The following AXDND1 variants were observed in gnomAD, a reference collection of about 807,000 sequenced individuals.
AXDND1 encodes axonemal dynein light chain domain containing 1.
In AXDND1, 110 loss-of-function variants were observed where a neutral mutation model predicts 137.5. The observed-to-expected ratio is 0.80, with a 90% CI of 0.69 to 0.94. AXDND1 has a LOEUF of 0.94. AXDND1 is among the 40% of genes least tolerant of loss of function. The pLI, the probability that AXDND1 is intolerant of heterozygous loss-of-function variation, is 0.00. For missense variants in AXDND1, 1,191 were observed against 1,169.8 expected (o/e 1.02, Z -0.26); for synonymous variants, 414 against 399.7 (o/e 1.04, Z -0.43).
chr1:179,407,548 GAAT>G (rs977515503), intron 11 of AXDND1, among the ~76,000 whole-genome samples: 1 of 151,994 alleles, frequency 6.6e-6, no homozygotes, highest in Admixed American at 6.6e-5. Flanking sequence ...TCAGCATTTT[GAAT>G]ATATCATTCA....
At chr1:179,467,825 A>G (rs545053179) in intron 16 of AXDND1, among the ~76,000 whole-genome samples, 1 of 152,332 alleles carries the variant, frequency 6.6e-6, no homozygotes, top group African/African-American at 2.4e-5. Flanking sequence ...CTTTTAAATT[A>G]CTTGTCTTTA....
chr1:179,476,619 G>A (rs1361355603), intron 17 of AXDND1, among the ~76,000 whole-genome samples: 2 of 151,946 alleles, frequency 1.3e-5, no homozygotes, highest in African/African-American at 4.8e-5. Context: ...ATGTTTGTTG[G>A]ATATAGGATT....
chr1:179,366,362 A>ATT, intron 1 of AXDND1, 42 bp from the exon 2 acceptor site: 1 of 536,740 alleles, frequency 1.9e-6, no homozygotes, highest in South Asian at 2.1e-5. Flanking sequence ...AATAGTTGTC[A>ATT]TCTTTTTTTT....
chr1:179,461,996 G>A (rs958547955), intron 16 of AXDND1, among the ~76,000 whole-genome samples: 1 of 152,112 alleles, frequency 6.6e-6, no homozygotes, highest in Non-Finnish European at 1.5e-5. Context: ...TGCAAACAGG[G>A]ACAATTTGAC....
intron 12 of AXDND1, among the ~76,000 whole-genome samples, chr1:179,423,198 C>CT (rs35627674): frequency 0.63 from 94,343 of 149,370 alleles, 30,022 homozygotes; most frequent in Middle Eastern, 0.69. Flanking sequence ...ATATAGTAAC[C>CT]TTTTTTTTTT....
At chr1:179,378,818 A>T (rs1647733047) in intron 5 of AXDND1, 61 bp downstream of exon 5, 7 of 1,298,960 alleles carry the variant, frequency 5.4e-6, no homozygotes, top group Non-Finnish European at 7.1e-6. Flanking sequence ...AAATCATTTT[A>T]AAATGATTTT....
Position 179,456,915 on chromosome 1 carries a change from C to T in AXDND1, c.1799-11528C>T. 3 of 1,183,252 alleles carry T rather than the reference C, an allele frequency of 2.5e-6. No individual in the cohort carries two copies. The African/African-American group carries it at 4.5e-5, about 18-fold the overall frequency. The allele number at this position is 1,183,252 out of a possible 1,614,324, so 73.3% of individuals were successfully genotyped here. A position where few individuals can be genotyped will look rare whatever the true frequency, so the allele number is the denominator to read the frequency against. Reference sequence around the variant, plus strand: ...AAAGGCAAAGCCTCTTTTCTTGCCACTGCCTCAGTCATGATTTCAATCACT... The same window carrying T: ...AAAGGCAAAGCCTCTTTTCTTGCCATTGCCTCAGTCATGATTTCAATCACT... On this transcript the variant is annotated intron_variant, in intron 16 of 25. Transcript: ENST00000367618.
At chr1:179,535,080 C>G in intron 25 of AXDND1, 118 bp downstream of exon 25, 1 of 1,455,398 alleles carries the variant, frequency 6.9e-7, no homozygotes, top group African/African-American at 1.4e-5. Context: ...CTAGTTTATA[C>G]TTCTCATAGG....
At chr1:179,500,692 A>G (rs187556305) in intron 20 of AXDND1, among the ~76,000 whole-genome samples, 28 of 152,174 alleles carry the variant, frequency 1.8e-4, no homozygotes, top group South Asian at 4.1e-4. Context: ...TTATTTTTTG[A>G]GACAGAATCT....
In AXDND1 at chr1:179,366,495, G is replaced by A; in HGVS notation, c.-15G>A. 1 of 1,585,440 alleles carries A rather than the reference G, an allele frequency of 6.3e-7. No homozygotes were observed. Among genetic ancestry groups the A allele is most frequent in the Non-Finnish European group, 8.7e-7 (1 of 1,154,330 alleles). On this transcript the variant is annotated 5_prime_UTR_variant, in exon 2 of 26. Transcript: ENST00000367618. ...CTATTTCAAATTACTAAAGAGATAG[G>A]AGGCATTGTTTATTATGTCTCTCCC...
intron 9 of AXDND1, among the ~76,000 whole-genome samples, chr1:179,388,976 C>CTTTTTT (rs11373996): frequency 6.2e-5 from 7 of 112,530 alleles, no homozygotes; most frequent in Admixed American, 2.2e-4. Context: ...TTTTTAGATT[C>CTTTTTT]TTTTTTTTTT....
chr1:179,498,845 A>G (rs1006167278), intron 20 of AXDND1, among the ~76,000 whole-genome samples: 4 of 152,190 alleles, frequency 2.6e-5, no homozygotes, highest in Non-Finnish European at 5.9e-5. Flanking sequence ...ATCACTAATC[A>G]TCAAGTAAAT....
At chr1:179,519,396 T>A (rs1424772729) in intron 21 of AXDND1, among the ~76,000 whole-genome samples, 1 of 152,200 alleles carries the variant, frequency 6.6e-6, no homozygotes, top group East Asian at 1.9e-4. Flanking sequence ...TAATTAGATA[T>A]GCCATTTGTC....
Position 179,525,391 on chromosome 1 carries a change from G to C in AXDND1, c.2554G>C (p.Glu852Gln). The C allele has an allele frequency of 6.2e-7, 1 of 1,612,332 alleles. No individual in the cohort carries two copies. Among genetic ancestry groups the C allele is most frequent in the Non-Finnish European group, 8.5e-7 (1 of 1,178,962 alleles). The change falls in exon 22 of 26, where the codon GAA becomes CAA. Residue 852 changes from glutamate (E) to glutamine (Q), a missense_variant. By Grantham distance (29) the Glu-to-Gln change is conservative. Transcript: ENST00000367618. ...EIDESFKEDE[E>Q]ESKEDRKLQE... ...AGACGAGTCTTTTAAAGAAGATGAA[G>C]AAGAAAGTAAGGAGGATAGGAAACT...
intron 21 of AXDND1, among the ~76,000 whole-genome samples, chr1:179,515,259 G>C (rs1398300053): frequency 3.3e-5 from 5 of 152,008 alleles, no homozygotes; most frequent in South Asian, 2.1e-4. Flanking sequence ...CTTGGTAGTG[G>C]TGGCTTGGTA....
intron 15 of AXDND1, among the ~76,000 whole-genome samples, chr1:179,437,711 A>G (rs1658372653): frequency 6.6e-6 from 1 of 152,310 alleles, no homozygotes; most frequent in Admixed American, 6.5e-5. Context: ...CAAGAACTAC[A>G]TATAAGATGT....
chr1:179,445,004 A>C lies in AXDND1; in HGVS notation c.1598A>C (p.Asp533Ala). ...GAGAAAAAAGAAGAGTTTACTGGGG[A>C]TGTTCTACTGTCAAAATACGATACT... ...LNEKKEEFTG[D>A]VLLSKYDTLK... Residue 533 changes from aspartate to alanine, a missense_variant, in exon 16 of 26, where the codon GAT becomes GCT. Transcript: ENST00000367618. 6.2e-7 allele frequency: 1 copy of C among 1,611,910 alleles called. No individual in the cohort carries two copies. The highest frequency in any genetic ancestry group is 1.1e-5 in the South Asian group (1 of 90,910).
chr1:179,374,679 C>T (rs1342006233), intron 4 of AXDND1, among the ~76,000 whole-genome samples: 4 of 152,046 alleles, frequency 2.6e-5, no homozygotes, highest in African/African-American at 9.7e-5. Flanking sequence ...TTTGTAGGGA[C>T]ATGGATGAAG....
At chr1:179,418,168 A>G (rs1022578710) in intron 12 of AXDND1, among the ~76,000 whole-genome samples, 55 of 151,692 alleles carry the variant, frequency 3.6e-4, no homozygotes, top group African/African-American at 8.5e-4. Flanking sequence ...CTGGGTACTT[A>G]AGATTAGGGA....
Sources: allele counts gnomAD v4.1 joint callset (sites outside exome capture counted in the v4.1 genomes callset), GRCh38; gene constraint gnomAD v4.1.1; transcripts MANE v1.5; gene names NCBI Gene and HGNC (gene_info 2026-07-23, HGNC 2026-07-21).